SIPA1L1: variants seen among roughly 807,000 people sequenced by gnomAD.
SIPA1L1 encodes the protein signal induced proliferation associated 1 like 1, also known as signal-induced proliferation-associated 1-like protein 1.
In SIPA1L1, 26 loss-of-function variants were observed where a neutral mutation model predicts 162.7. That is an observed-to-expected ratio of 0.16 (90% CI 0.12 to 0.22). The LOEUF (loss-of-function observed/expected upper bound fraction) is 0.22, where lower values mean the gene tolerates loss of function less well. Among genes scored for constraint, SIPA1L1 ranks in the 10% least tolerant of loss-of-function variants. The pLI is 1.00. For missense variants in SIPA1L1, 1,874 were observed against 2,241.0 expected, an observed-to-expected ratio of 0.84 and a Z score of 3.31; for synonymous variants, 829 against 837.4, an observed-to-expected ratio of 0.99 and a Z score of 0.17.
intron 7 of SIPA1L1, among the ~76,000 whole-genome samples, chr14:71,631,807 C>T (rs1000431035): frequency 1.3e-5 from 2 of 152,154 alleles, no homozygotes; most frequent in African/African-American, 4.8e-5. Context: ...TATACATTTT[C>T]TAACTGGCAT....
intron 2 of SIPA1L1, among the ~76,000 whole-genome samples, chr14:71,403,136 G>A (rs924262040): frequency 6.6e-6 from 1 of 151,828 alleles, no homozygotes; most frequent in Non-Finnish European, 1.5e-5. Context: ...TCTTAAACTG[G>A]GTATCTTTCA....
At chr14:71,358,341 G>A (rs1566927975) in intron 2 of SIPA1L1, among the ~76,000 whole-genome samples, 1 of 152,064 alleles carries the variant, frequency 6.6e-6, no homozygotes, top group Non-Finnish European at 1.5e-5. Flanking sequence ...AAAATGGAGG[G>A]GATTTACACA....
chr14:71,331,968 G>A (rs920178351), intron 2 of SIPA1L1, among the ~76,000 whole-genome samples: 1 of 152,158 alleles, frequency 6.6e-6, no homozygotes, highest in East Asian at 1.9e-4. Context: ...AACAAATTTC[G>A]GCTACTTAAG....
intron 2 of SIPA1L1, among the ~76,000 whole-genome samples, chr14:71,336,527 G>T (rs1189432441): frequency 6.6e-6 from 1 of 152,098 alleles, no homozygotes; most frequent in South Asian, 2.1e-4. Context: ...TTTTGCAAGC[G>T]CTTTAACTTT....
intron 2 of SIPA1L1, among the ~76,000 whole-genome samples, chr14:71,432,495 C>A (rs1332574374): frequency 6.6e-6 from 1 of 152,128 alleles, no homozygotes; most frequent in East Asian, 1.9e-4. Flanking sequence ...CAGATAATTT[C>A]TTTATGGCCA....
At chr14:71,726,539 T>A (rs1454647188) in intron 19 of SIPA1L1, among the ~76,000 whole-genome samples, 2 of 152,256 alleles carry the variant, frequency 1.3e-5, no homozygotes, top group African/African-American at 4.8e-5. Context: ...TGAAGGCAAA[T>A]GTCTGATTTT....
intron 16 of SIPA1L1, among the ~76,000 whole-genome samples, chr14:71,707,375 T>C (rs191690762): frequency 1.1e-4 from 16 of 152,312 alleles, no homozygotes; most frequent in South Asian, 4.1e-4. Context: ...CCATTTAAAA[T>C]ATACAATTGA....
chr14:71,603,941 CTATATATATTTATATATATTTATATATA>C (rs2037137483), intron 5 of SIPA1L1, among the ~76,000 whole-genome samples: 2 of 138,064 alleles, frequency 1.4e-5, no homozygotes, highest in Non-Finnish European at 3.2e-5. Context: ...ATTTATATAT[CTATATATATTTATATATATTTATATATA>C]GATATATTTA....
chr14:71,695,414 G>T (rs1297625582), intron 13 of SIPA1L1, among the ~76,000 whole-genome samples: 2 of 152,146 alleles, frequency 1.3e-5, no homozygotes, highest in Non-Finnish European at 2.9e-5. Flanking sequence ...TAACCAAATA[G>T]AATTTTCTGA....
intron 2 of SIPA1L1, among the ~76,000 whole-genome samples, chr14:71,434,878 G>T (rs1398413274): frequency 6.6e-6 from 1 of 152,218 alleles, no homozygotes; most frequent in Non-Finnish European, 1.5e-5. Flanking sequence ...ACTGTGCCCA[G>T]CAATATGTAT....
intron 4 of SIPA1L1, among the ~76,000 whole-genome samples, chr14:71,577,117 A>G (rs2033169431): frequency 6.6e-6 from 1 of 151,464 alleles, no homozygotes. Context: ...ATGGCAGTTG[A>G]GGAGCCACTG....
intron 4 of SIPA1L1, among the ~76,000 whole-genome samples, chr14:71,562,030 C>T (rs188833857): frequency 2.0e-4 from 30 of 152,098 alleles, no homozygotes; most frequent in Admixed American, 2.0e-3. Context: ...TATTTGTTAG[C>T]CATAGACGTC....
chr14:71,505,801 C>T (rs1015800346), intron 2 of SIPA1L1, among the ~76,000 whole-genome samples: 3 of 151,996 alleles, frequency 2.0e-5, no homozygotes, highest in Non-Finnish European at 2.9e-5. Flanking sequence ...ATTGATGTTT[C>T]GGTGTACACA....
At chr14:71,337,647 C>T (rs2035234174) in intron 2 of SIPA1L1, among the ~76,000 whole-genome samples, 1 of 152,184 alleles carries the variant, frequency 6.6e-6, no homozygotes, top group South Asian at 2.1e-4. Context: ...CCTCCCATGA[C>T]ACGTGGGAAT....
At position 71,640,886 on chromosome 14, in the gene SIPA1L1, A is replaced by G. The variant is rs377158692; in HGVS notation, c.1819-9449A>G. Among the ~76,000 whole-genome samples the G allele has an allele frequency of 5.3e-5, 8 of 152,322 alleles. No homozygotes were observed. The East Asian group carries it at 1.3e-3, about 26-fold the overall frequency. On this transcript the variant is annotated intron_variant, in intron 7 of 23. Transcript: ENST00000381232. ...GTGATCCACCTGCCTTGGCCTTCCA[A>G]AGTGCTGGGATTACAGGCATGAGCC...
intron 8 of SIPA1L1, among the ~76,000 whole-genome samples, chr14:71,657,368 T>C (rs1438287649): frequency 1.5e-5 from 2 of 132,352 alleles, no homozygotes; most frequent in Non-Finnish European, 3.2e-5. Flanking sequence ...AAAAAAAAAA[T>C]TGGGTTGATA....
chr14:71,686,046 T>C (rs1313101789), intron 13 of SIPA1L1, among the ~76,000 whole-genome samples: 1 of 152,230 alleles, frequency 6.6e-6, no homozygotes, highest in Non-Finnish European at 1.5e-5. Context: ...TGAATAACTA[T>C]GTTTGTGTCA....
At chr14:71,605,288 T>C (rs1249864801) in intron 5 of SIPA1L1, among the ~76,000 whole-genome samples, 1 of 152,212 alleles carries the variant, frequency 6.6e-6, no homozygotes, top group South Asian at 2.1e-4. Context: ...TATTCTGATA[T>C]ATTTGTGTTG....
intron 13 of SIPA1L1, among the ~76,000 whole-genome samples, chr14:71,692,021 G>A (rs995488167): frequency 5.3e-5 from 8 of 152,120 alleles, no homozygotes; most frequent in Non-Finnish European, 8.8e-5. Context: ...TTTTTAAGAA[G>A]AGTTTCCTCA....
Sources: allele counts gnomAD v4.1 joint callset (sites outside exome capture counted in the v4.1 genomes callset), GRCh38; gene constraint gnomAD v4.1.1; transcripts MANE v1.5; gene names NCBI Gene and HGNC (gene_info 2026-07-23, HGNC 2026-07-21).